Variants in EPB41L2 observed in about 807,000 individuals in gnomAD.
The protein encoded by EPB41L2 is erythrocyte membrane protein band 4.1 like 2.
EPB41L2 carries 43 observed loss-of-function variants against 113.0 expected under a neutral mutation model. The observed-to-expected ratio is 0.38, with a 90% CI of 0.30 to 0.49. The LOEUF is 0.49. Among genes scored for constraint, EPB41L2 ranks in the 20% least tolerant of loss-of-function variants. EPB41L2 has a pLI of 0.95. For missense variants in EPB41L2, 1,147 were observed against 1,223.4 expected (o/e 0.94, Z 0.93); for synonymous variants, 442 against 436.7 (o/e 1.01, Z -0.15).
chr6:130,885,109 A>G lies in EPB41L2; in HGVS notation c.1820T>C (p.Leu607Pro), dbSNP rs1339076958. The G allele has an allele frequency of 1.2e-6, 2 of 1,613,992 alleles. No homozygotes were observed. The highest frequency in any genetic ancestry group is 2.7e-5 in the African/African-American group (2 of 74,922). Residue 607 changes from leucine (L) to proline (P), a missense_variant, in exon 12 of 20, where the codon CTC (leucine) becomes CCC (proline). Physicochemically the swap from Leu to Pro is moderately conservative, Grantham distance 98. Transcript: ENST00000337057. ...RSPTKAPHLQLIEGKKNSLRV... is the reference protein window; with the variant it reads ...RSPTKAPHLQPIEGKKNSLRV... ...AATTTACCATACCTTTCCTTCAATGAGCTGCAAATGTGGGGCTTTAGTTGG... is the reference window on the plus strand; with the variant it reads ...AATTTACCATACCTTTCCTTCAATGGGCTGCAAATGTGGGGCTTTAGTTGG...
chr6:131,039,434 A>G (rs1035915396), intron 1 of EPB41L2, among the ~76,000 whole-genome samples: 2 of 152,232 alleles, frequency 1.3e-5, no homozygotes, highest in African/African-American at 4.8e-5. Flanking sequence ...TTTTGTTCCA[A>G]AAATAACCAA....
At chr6:130,878,351 T>C (rs180709009) in intron 13 of EPB41L2, 101 bp from the exon 14 acceptor site, 3 of 1,196,880 alleles carry the variant, frequency 2.5e-6, no homozygotes, top group South Asian at 1.8e-5. Flanking sequence ...AACTTACGAT[T>C]AAAAAAAAAA....
intron 14 of EPB41L2, among the ~76,000 whole-genome samples, chr6:130,871,318 G>C (rs561073059): frequency 6.6e-6 from 1 of 152,182 alleles, no homozygotes; most frequent in South Asian, 2.1e-4. Context: ...TTGACTTCTA[G>C]GTGGTACTAC....
chr6:130,951,312 CTTTTTT>C (rs34082234), intron 3 of EPB41L2, among the ~76,000 whole-genome samples: 33 of 50,838 alleles, frequency 6.5e-4, no homozygotes, highest in Non-Finnish European at 9.6e-4. Flanking sequence ...AGCCTCAGTA[CTTTTTT>C]TTTTTTTTTT....
At chr6:131,001,772 G>T (rs888621796) in intron 1 of EPB41L2, among the ~76,000 whole-genome samples, 1 of 151,942 alleles carries the variant, frequency 6.6e-6, no homozygotes, top group Non-Finnish European at 1.5e-5. Context: ...TCCTAGCAAC[G>T]AAAGTTACTT....
chr6:130,900,271 T>A (rs934414771), intron 7 of EPB41L2, among the ~76,000 whole-genome samples: 1 of 151,802 alleles, frequency 6.6e-6, no homozygotes, highest in African/African-American at 2.4e-5. Flanking sequence ...GTGGCCTGTT[T>A]AAAAACCTAA....
chr6:131,007,760 C>A (rs1785937350), intron 1 of EPB41L2, among the ~76,000 whole-genome samples: 1 of 152,092 alleles, frequency 6.6e-6, no homozygotes, highest in East Asian at 1.9e-4. Context: ...TTGCCCCTGC[C>A]CTAGAGATCT....
intron 1 of EPB41L2, among the ~76,000 whole-genome samples, chr6:130,969,460 T>C (rs1776224492): frequency 6.6e-6 from 1 of 152,150 alleles, no homozygotes; most frequent in African/African-American, 2.4e-5. Flanking sequence ...GAAGATTTTT[T>C]CCCAAGTCTG....
intron 1 of EPB41L2, among the ~76,000 whole-genome samples, chr6:131,023,932 TC>T (rs927418525): frequency 6.6e-6 from 1 of 152,032 alleles, no homozygotes; most frequent in African/African-American, 2.4e-5. Flanking sequence ...ATTATTTCAC[TC>T]ATTCAGGATC....
At chr6:130,892,806 T>C (rs1191253035) in intron 10 of EPB41L2, among the ~76,000 whole-genome samples, 1 of 152,214 alleles carries the variant, frequency 6.6e-6, no homozygotes, top group African/African-American at 2.4e-5. Flanking sequence ...AGTTGTTTCA[T>C]GTGTGTTATC....
chr6:130,860,354 T>C (rs540087074), intron 18 of EPB41L2, among the ~76,000 whole-genome samples: 20 of 152,258 alleles, frequency 1.3e-4, no homozygotes, highest in Admixed American at 1.0e-3. Flanking sequence ...CACAGAAAGA[T>C]TGGGAAAAGC....
At chr6:131,025,304 G>T (rs894470432) in intron 1 of EPB41L2, among the ~76,000 whole-genome samples, 1 of 152,036 alleles carries the variant, frequency 6.6e-6, no homozygotes, top group Non-Finnish European at 1.5e-5. Context: ...TACCACAATA[G>T]TGCTAGCTAT....
intron 1 of EPB41L2, among the ~76,000 whole-genome samples, chr6:130,974,711 T>TCTTTC (rs1777744471): frequency 7.2e-6 from 1 of 139,732 alleles, no homozygotes; most frequent in Non-Finnish European, 1.5e-5. Context: ...TTTTTTCTTT[T>TCTTTC]CTTTTCTTTT....
At chr6:131,021,913 G>A (rs13199755) in intron 1 of EPB41L2, among the ~76,000 whole-genome samples, 8 of 152,162 alleles carry the variant, frequency 5.3e-5, no homozygotes, top group Non-Finnish European at 1.0e-4. Flanking sequence ...ACCAGGGACT[G>A]GTTTCGTGGA....
intron 3 of EPB41L2, among the ~76,000 whole-genome samples, chr6:130,939,867 G>A (rs1004420398): frequency 6.6e-6 from 1 of 152,166 alleles, no homozygotes; most frequent in Non-Finnish European, 1.5e-5. Context: ...CATGCTCATC[G>A]TTCAACTTTT....
intron 19 of EPB41L2, among the ~76,000 whole-genome samples, chr6:130,855,493 G>T (rs558562784): frequency 6.6e-6 from 1 of 152,192 alleles, no homozygotes; most frequent in East Asian, 1.9e-4. Flanking sequence ...CTGCTTATGG[G>T]CCCATTATAT....
At chr6:130,947,540 T>C (rs1215693395) in intron 3 of EPB41L2, among the ~76,000 whole-genome samples, 1 of 152,076 alleles carries the variant, frequency 6.6e-6, no homozygotes, top group Non-Finnish European at 1.5e-5. Flanking sequence ...CTTCCTTGAG[T>C]GCTCAAAAGT....
At chr6:130,985,332 T>C (rs1977576) in intron 1 of EPB41L2, among the ~76,000 whole-genome samples, 83,673 of 151,938 alleles carry the variant, frequency 0.55, 25,929 homozygotes, top group East Asian at 0.94. Flanking sequence ...AGTAGGACCA[T>C]CCCGCATCTC....
chr6:130,973,789 T>C (rs528121369), intron 1 of EPB41L2, among the ~76,000 whole-genome samples: 84 of 152,352 alleles, frequency 5.5e-4, no homozygotes, highest in African/African-American at 2.0e-3. Context: ...ATCTTACATA[T>C]GTTGACTGAT....
Sources: allele counts gnomAD v4.1 joint callset (sites outside exome capture counted in the v4.1 genomes callset), GRCh38; gene constraint gnomAD v4.1.1; transcripts MANE v1.5; gene names NCBI Gene and HGNC (gene_info 2026-07-23, HGNC 2026-07-21).